GPC6: variants seen among roughly 807,000 people sequenced by gnomAD.
GPC6 encodes glypican 6, also known as glypican-6.
GPC6 carries 14 observed loss-of-function variants against 55.2 expected under a neutral mutation model. That is an observed-to-expected ratio of 0.25 (90% confidence interval 0.17 to 0.40). The LOEUF (loss-of-function observed/expected upper bound fraction) is 0.40, where lower values mean the gene tolerates loss of function less well. GPC6 is among the 10% of genes least tolerant of loss of function. The pLI is 1.00. For synonymous variants in GPC6, 278 were observed against 259.6 expected (o/e 1.07, Z -0.68); for missense variants, 641 against 708.5 (o/e 0.90, Z 1.08).
chr13:94,023,381 T>A (rs547911362), intron 3 of GPC6, among the ~76,000 whole-genome samples: 38 of 152,066 alleles, frequency 2.5e-4, no homozygotes, highest in African/African-American at 8.9e-4. Flanking sequence ...CTACTCAACT[T>A]AAATACTGGT....
intron 3 of GPC6, among the ~76,000 whole-genome samples, chr13:93,889,277 C>G (rs575330168): frequency 6.6e-6 from 1 of 152,198 alleles, no homozygotes; most frequent in East Asian, 1.9e-4. Context: ...TATCTATAAT[C>G]AGGAGGCCTG....
At chr13:94,027,667 T>G (rs929143236) in intron 3 of GPC6, 62 bp from the exon 4 acceptor site, 12 of 1,500,530 alleles carry the variant, frequency 8.0e-6, no homozygotes, top group Non-Finnish European at 1.0e-5. Context: ...TATTTTGTCT[T>G]TTTTTCCTCC....
At chr13:93,681,516 T>C (rs1344964836) in intron 2 of GPC6, among the ~76,000 whole-genome samples, 1 of 152,166 alleles carries the variant, frequency 6.6e-6, no homozygotes. Flanking sequence ...AGAAATCAAT[T>C]TGGATATTCT....
At chr13:93,636,842 A>T (rs984037777) in intron 2 of GPC6, among the ~76,000 whole-genome samples, 16 of 152,126 alleles carry the variant, frequency 1.1e-4, no homozygotes, top group African/African-American at 3.9e-4. Context: ...AAAGCTGACT[A>T]AAATGCATAT....
At chr13:93,899,103 C>A (rs1413231980) in intron 3 of GPC6, among the ~76,000 whole-genome samples, 1 of 151,698 alleles carries the variant, frequency 6.6e-6, no homozygotes, top group African/African-American at 2.4e-5. Flanking sequence ...TTCATGACTT[C>A]TGGGCAACCA....
At chr13:94,141,790 A>G (rs1887386672) in intron 4 of GPC6, among the ~76,000 whole-genome samples, 1 of 152,244 alleles carries the variant, frequency 6.6e-6, no homozygotes, top group Non-Finnish European at 1.5e-5. Context: ...TTTCATTGAG[A>G]ATATGCACTG....
intron 1 of GPC6, among the ~76,000 whole-genome samples, chr13:93,376,754 T>C (rs1874917879): frequency 6.6e-6 from 1 of 150,638 alleles, no homozygotes; most frequent in Non-Finnish European, 1.5e-5. Flanking sequence ...CTTTAATTTC[T>C]GTATTTACAT....
At chr13:93,539,133 T>C (rs1409269715) in intron 1 of GPC6, among the ~76,000 whole-genome samples, 2 of 152,112 alleles carry the variant, frequency 1.3e-5, no homozygotes, top group Non-Finnish European at 2.9e-5. Context: ...GAGATTTTGA[T>C]TGTGGATATT....
chr13:93,669,144 T>C, intron 2 of GPC6, among the ~76,000 whole-genome samples: 1 of 152,194 alleles, frequency 6.6e-6, no homozygotes, highest in East Asian at 1.9e-4. Context: ...GTGTATTTCT[T>C]GCACTGGATT....
intron 4 of GPC6, among the ~76,000 whole-genome samples, chr13:94,100,969 G>GTCGTC (rs774902707): frequency 1.4e-4 from 22 of 152,280 alleles, no homozygotes; most frequent in Non-Finnish European, 2.6e-4. Context: ...ATTACAAGAG[G>GTCGTC]TCATTCATTT....
At chr13:93,666,842 G>T (rs924059184) in intron 2 of GPC6, among the ~76,000 whole-genome samples, 2 of 152,000 alleles carry the variant, frequency 1.3e-5, no homozygotes, top group African/African-American at 2.4e-5. Context: ...AGCACATTAT[G>T]GTTTATGCTG....
chr13:94,277,199 T>C (rs1892242952), intron 4 of GPC6, among the ~76,000 whole-genome samples: 1 of 152,198 alleles, frequency 6.6e-6, no homozygotes, highest in African/African-American at 2.4e-5. Flanking sequence ...GCTGTTGAGC[T>C]TTTTTTCATA....
At chr13:93,695,365 G>A (rs1594378591) in intron 2 of GPC6, among the ~76,000 whole-genome samples, 1 of 151,782 alleles carries the variant, frequency 6.6e-6, no homozygotes, top group Non-Finnish European at 1.5e-5. Context: ...TCAATAAAAA[G>A]CACTTCTATT....
chr13:93,781,987 T>C (rs1220724279), intron 2 of GPC6, among the ~76,000 whole-genome samples: 2 of 152,188 alleles, frequency 1.3e-5, no homozygotes, highest in Non-Finnish European at 2.9e-5. Context: ...TTTTCAAGTA[T>C]ACAGTATATT....
chr13:94,209,225 A>G (rs1429921924), intron 4 of GPC6, among the ~76,000 whole-genome samples: 9 of 152,138 alleles, frequency 5.9e-5, no homozygotes, highest in Non-Finnish European at 1.2e-4. Context: ...AAAGGCAATA[A>G]TGTGACTCAT....
At chr13:93,741,166 C>T (rs1263396475) in intron 2 of GPC6, among the ~76,000 whole-genome samples, 1 of 146,432 alleles carries the variant, frequency 6.8e-6, no homozygotes, top group African/African-American at 2.5e-5. Context: ...CTCTGTCGCC[C>T]AGGTTGGAGT....
chr13:94,310,402 A>G (rs915857881), intron 6 of GPC6, among the ~76,000 whole-genome samples: 1 of 152,222 alleles, frequency 6.6e-6, no homozygotes, highest in South Asian at 2.1e-4. Flanking sequence ...CCTACTGGTC[A>G]TTCTGAGGGA....
chr13:93,539,504 G>A (rs1882199461), intron 1 of GPC6, among the ~76,000 whole-genome samples: 3 of 152,060 alleles, frequency 2.0e-5, no homozygotes, highest in South Asian at 4.1e-4. Flanking sequence ...GTGTTTTAGG[G>A]GAGGGTCCAT....
At chr13:93,583,439 A>G (rs1470510103) in intron 2 of GPC6, among the ~76,000 whole-genome samples, 1 of 151,322 alleles carries the variant, frequency 6.6e-6, no homozygotes, top group Non-Finnish European at 1.5e-5. Flanking sequence ...TTTCTTTGAG[A>G]CAGAGTTTCA....
Sources: allele counts gnomAD v4.1 joint callset (sites outside exome capture counted in the v4.1 genomes callset), GRCh38; gene constraint gnomAD v4.1.1; transcripts MANE v1.5; gene names NCBI Gene and HGNC (gene_info 2026-07-23, HGNC 2026-07-21).